Variants in KIRREL3 observed in about 807,000 individuals in gnomAD.
The protein encoded by KIRREL3 is kin of IRRE-like protein 3.
KIRREL3 carries 36 observed loss-of-function variants against 89.7 expected under a neutral mutation model. The observed-to-expected ratio is 0.40, with a 90% confidence interval of 0.31 to 0.53. The LOEUF is 0.53. KIRREL3 is among the 20% of genes least tolerant of loss of function. The pLI is 0.49. For missense variants in KIRREL3, 864 were observed against 1,056.6 expected (o/e 0.82, Z 2.53); for synonymous variants, 445 against 441.4 (o/e 1.01, Z -0.10).
rs1160918083 is a variant in KIRREL3 at position 126,643,790 on chromosome 11, T to C, written c.56-80878A>G. Among the ~76,000 whole-genome samples, 1 of 151,598 alleles carries C rather than the reference T, an allele frequency of 6.6e-6. No homozygotes were observed. The highest frequency in any genetic ancestry group is 2.4e-5 in the African/African-American group (1 of 41,190). On this transcript the variant is annotated intron_variant, in intron 1 of 16. Transcript: ENST00000525144. This position sits in a 1 kb window ranked among gnomAD's most constrained non-coding sequence, Gnocchi z 4.5. ...CTGGTGACAGTAGAAATGGAGGAAA[T>C]AGAAAAGAGTTATTATGAACTGGTG...
chr11:126,511,159 G>T (rs1218515601), intron 4 of KIRREL3, among the ~76,000 whole-genome samples: 2 of 151,734 alleles, frequency 1.3e-5, no homozygotes, highest in African/African-American at 4.8e-5. Context: ...GATGAGGAGT[G>T]GTTTCAAGAG....
At position 126,723,419 on chromosome 11, in the gene KIRREL3, C is replaced by T. The variant is rs1291450677; in HGVS notation, c.56-160507G>A. 6.6e-6 allele frequency among the ~76,000 whole-genome samples: 1 copy of T among 152,102 alleles called. No individual in the cohort carries two copies. Among genetic ancestry groups the T allele is most frequent in the African/African-American group, 2.4e-5 (1 of 41,406 alleles). On this transcript the variant is annotated intron_variant, in intron 1 of 16. Coordinates refer to ENST00000525144, the MANE Select transcript of KIRREL3 (RefSeq NM_032531.4). The surrounding 1 kb of genome is among the most constrained non-coding windows in gnomAD (Gnocchi z 4.0). ...CAGGCTCTGTTTCATTTCACTCTAC[C>T]ATAAAGAGGTAACAATTTAAAAAAA...
At position 126,551,363 on chromosome 11, in the gene KIRREL3, G is replaced by C. The variant is rs1372664305; in HGVS notation, c.133+11472C>G. On this transcript the variant is annotated intron_variant, in intron 2 of 16. Coordinates refer to ENST00000525144, the MANE Select transcript of KIRREL3 (RefSeq NM_032531.4). This position sits in a 1 kb window ranked among gnomAD's most constrained non-coding sequence, Gnocchi z 4.9. Reference sequence around the variant, plus strand: ...GCAGGGGAAAGGAGGGCCGGAGAGAGATCCTGTTTCCCGAGGCCTGCCCCT... The same window carrying C: ...GCAGGGGAAAGGAGGGCCGGAGAGACATCCTGTTTCCCGAGGCCTGCCCCT... Among the ~76,000 whole-genome samples the C allele has an allele frequency of 6.6e-6, 1 of 152,138 alleles. No individual in the cohort carries two copies. Among genetic ancestry groups the C allele is most frequent in the Non-Finnish European group, 1.5e-5 (1 of 68,018 alleles).
At chr11:126,781,356 T>TA (rs1190693141) in intron 1 of KIRREL3, among the ~76,000 whole-genome samples, 3 of 152,136 alleles carry the variant, frequency 2.0e-5, no homozygotes, top group Non-Finnish European at 2.9e-5. Context: ...AGAAAACACA[T>TA]ACAAAGATAT....
rs1272523189 is a variant in KIRREL3 at position 126,997,130 on chromosome 11, T to C, written c.55+3325A>G. ...CTAAGCTGTGCATGTGCAGGCTGGA[T>C]GGGATGGGGCTTGAAGCTTAAGGAG... On this transcript the variant is annotated intron_variant, in intron 1 of 16. Coordinates refer to ENST00000525144, the MANE Select transcript of KIRREL3 (RefSeq NM_032531.4). This position sits in a 1 kb window ranked among gnomAD's most constrained non-coding sequence, Gnocchi z 4.3. Among the ~76,000 whole-genome samples, 5 of 152,038 alleles carry C rather than the reference T, an allele frequency of 3.3e-5. No individual in the cohort carries two copies. The highest frequency in any genetic ancestry group is 7.4e-5 in the Non-Finnish European group (5 of 68,000).
At chr11:126,717,610 G>T (rs1009116302) in intron 1 of KIRREL3, among the ~76,000 whole-genome samples, 1 of 152,170 alleles carries the variant, frequency 6.6e-6, no homozygotes, top group Non-Finnish European at 1.5e-5. Context: ...CCTCCTGCTG[G>T]CCAGTCACCC....
intron 1 of KIRREL3, among the ~76,000 whole-genome samples, chr11:126,894,316 G>A (rs910302645): frequency 2.0e-5 from 3 of 152,066 alleles, no homozygotes; most frequent in African/African-American, 4.8e-5. Context: ...TAGGGGTGTC[G>A]TGGTGAGCAA....
At chr11:126,959,208 C>A (rs868031317) in intron 1 of KIRREL3, among the ~76,000 whole-genome samples, 11 of 152,216 alleles carry the variant, frequency 7.2e-5, no homozygotes, top group African/African-American at 2.4e-4. Flanking sequence ...AACTGCAGAT[C>A]TGGATATTTC....
chr11:126,611,893 G>A lies in KIRREL3; in HGVS notation c.56-48981C>T, dbSNP rs565664432. Among the ~76,000 whole-genome samples, 3 of 152,268 alleles carry A rather than the reference G, an allele frequency of 2.0e-5. No individual in the cohort carries two copies. The highest frequency in any genetic ancestry group is 3.4e-3 in the Middle Eastern group (1 of 294). ...TGCTACTGTCGCTCTAGGACCTGCC[G>A]ATGCCCTCTGTCCTTCTCTGGTGAC... On this transcript the variant is annotated intron_variant, in intron 1 of 16. Transcript: ENST00000525144. The surrounding 1 kb of genome is among the most constrained non-coding windows in gnomAD (Gnocchi z 4.7).
At chr11:126,621,605 C>A (rs1943576998) in intron 1 of KIRREL3, among the ~76,000 whole-genome samples, 1 of 152,134 alleles carries the variant, frequency 6.6e-6, no homozygotes, top group Admixed American at 6.5e-5. Flanking sequence ...TAAGAACCAT[C>A]TTGGTTGAAT....
chr11:126,956,233 C>T (rs940604748), intron 1 of KIRREL3, among the ~76,000 whole-genome samples: 4 of 152,214 alleles, frequency 2.6e-5, no homozygotes, highest in Non-Finnish European at 5.9e-5. Context: ...CATGGGAACA[C>T]GATGCTTCCT....
intron 1 of KIRREL3, among the ~76,000 whole-genome samples, chr11:126,910,365 T>C (rs905149028): frequency 2.4e-4 from 36 of 152,222 alleles, no homozygotes; most frequent in African/African-American, 7.9e-4. Flanking sequence ...TAAGGCCTTT[T>C]TGGGGTTGGG....
At chr11:126,757,190 G>T (rs1949531607) in intron 1 of KIRREL3, among the ~76,000 whole-genome samples, 2 of 151,954 alleles carry the variant, frequency 1.3e-5, no homozygotes, top group South Asian at 4.1e-4. Context: ...AATCACTTCT[G>T]TTAGGGAGGA....
intron 1 of KIRREL3, among the ~76,000 whole-genome samples, chr11:126,598,902 C>A (rs1942518207): frequency 6.6e-6 from 1 of 152,206 alleles, no homozygotes; most frequent in African/African-American, 2.4e-5. Flanking sequence ...TGTTCTCAAC[C>A]CCAGTCTGAA....
rs564272794 is a variant in KIRREL3, at chr11:126,759,304, A to AT, written c.56-196393dup. ...GCCACCATGCCTGGCTAATCTTTGT[A>AT]TTTTTAGTTGAGATAGGGTTTCACC... On this transcript the variant is annotated intron_variant, in intron 1 of 16. Coordinates refer to ENST00000525144, the MANE Select transcript of KIRREL3 (RefSeq NM_032531.4). Among the ~76,000 whole-genome samples, 307 of 152,102 alleles carry AT rather than the reference A, an allele frequency of 2.0e-3. 1 individual carries two copies. The highest frequency in any genetic ancestry group is 3.4e-3 in the Middle Eastern group (1 of 294).
intron 1 of KIRREL3, among the ~76,000 whole-genome samples, chr11:126,738,855 G>A (rs1169655697): frequency 6.6e-6 from 1 of 152,232 alleles, no homozygotes; most frequent in Non-Finnish European, 1.5e-5. Context: ...GAGGCCTGAT[G>A]TGCTGTCACA....
chr11:126,915,107 G>C (rs749954983), intron 1 of KIRREL3, among the ~76,000 whole-genome samples: 74 of 152,114 alleles, frequency 4.9e-4, no homozygotes, highest in Non-Finnish European at 5.1e-4. Flanking sequence ...AGTTCACCAG[G>C]CATCTCAAAT....
intron 1 of KIRREL3, among the ~76,000 whole-genome samples, chr11:126,591,623 A>G (rs1942137099): frequency 6.6e-6 from 1 of 152,186 alleles, no homozygotes. Flanking sequence ...TCAGGGTGGT[A>G]GTGCTTCTAG....
At chr11:126,600,824 G>A (rs1942620497) in intron 1 of KIRREL3, among the ~76,000 whole-genome samples, 1 of 152,098 alleles carries the variant, frequency 6.6e-6, no homozygotes, top group Non-Finnish European at 1.5e-5. Flanking sequence ...TCAAAGCTTG[G>A]CTTAAACTTT....
Sources: gnomAD v4.1 joint callset for allele counts (sites outside exome capture counted in the v4.1 genomes callset) on GRCh38, gnomAD v4.1.1 for gene constraint, Gnocchi (gnomAD v3.1) non-coding constraint, MANE v1.5 for transcripts, NCBI Gene and HGNC (gene_info 2026-07-23, HGNC 2026-07-21) for gene names.